Variants in DCAF8L2 observed in about 807,000 individuals in gnomAD.
The protein encoded by DCAF8L2 is DDB1 and CUL4 associated factor 8 like 2.
For missense variants in DCAF8L2, 430 were observed against 490.7 expected, an observed-to-expected ratio of 0.88 and a Z score of 1.17; for synonymous variants, 200 against 190.9, an observed-to-expected ratio of 1.05 and a Z score of -0.39.
At chrX:27,599,592 G>A (rs750545652) in intron 1 of DCAF8L2, among the ~76,000 whole-genome samples, 1 of 111,139 alleles carries the variant, frequency 9.0e-6, no homozygotes, top group Non-Finnish European at 1.9e-5. Context: ...GAGAATTTTG[G>A]GAGGTGATGG....
At chrX:27,605,405 T>C (rs778200612) in intron 1 of DCAF8L2, among the ~76,000 whole-genome samples, 1 of 111,412 alleles carries the variant, frequency 9.0e-6, no homozygotes, top group Non-Finnish European at 1.9e-5. Flanking sequence ...ACTTGAAAAT[T>C]ATTTTTCTTA....
chrX:27,547,891 T>TTCTCTCTC, the DCAF8L2 span, among the ~76,000 whole-genome samples: 4,196 of 57,067 alleles, frequency 0.074, 508 homozygotes, highest in African/African-American at 0.21. Flanking sequence ...CTCTCTCTCT[T>TTCTCTCTC]TCTCTCTCTC....
At chrX:27,705,606 G>A (rs1296997687) in intron 3 of DCAF8L2, among the ~76,000 whole-genome samples, 1 of 111,145 alleles carries the variant, frequency 9.0e-6, no homozygotes, top group Non-Finnish European at 1.9e-5. Flanking sequence ...TGAAAAGTGT[G>A]TTTATGTCCT....
intron 3 of DCAF8L2, among the ~76,000 whole-genome samples, chrX:27,690,577 A>G (rs190076363): frequency 1.8e-5 from 2 of 110,232 alleles, no homozygotes; most frequent in East Asian, 2.9e-4. Context: ...TCTTGCTGAC[A>G]TATGAATTAC....
the DCAF8L2 span, among the ~76,000 whole-genome samples, chrX:27,574,780 C>T: frequency 2.2e-3 from 250 of 111,234 alleles, 1 homozygote; most frequent in Non-Finnish European, 3.7e-3. Flanking sequence ...TTCAGTGCCC[C>T]GCTGCTCAAA....
intron 2 of DCAF8L2, among the ~76,000 whole-genome samples, chrX:27,668,777 A>C (rs1034955381): frequency 2.7e-5 from 3 of 111,031 alleles, no homozygotes; most frequent in African/African-American, 9.8e-5. Context: ...ACATGGCGAA[A>C]CCCCGTCTCT....
At chrX:27,729,492 T>C in intron 4 of DCAF8L2, among the ~76,000 whole-genome samples, 1 of 112,045 alleles carries the variant, frequency 8.9e-6, no homozygotes, top group African/African-American at 3.2e-5. Flanking sequence ...TTAGTCCATT[T>C]GGCCTGCTGT....
chrX:27,528,077 A>AATTATTAAATTAAATTTTTAATTTAATTT, the DCAF8L2 span, among the ~76,000 whole-genome samples: 1 of 62,237 alleles, frequency 1.6e-5, no homozygotes, highest in Non-Finnish European at 3.2e-5. Context: ...TAATTTAATT[A>AATTATTAAATTAAATTTTTAATTTAATTT]AATTAATTAT....
At chrX:27,678,092 T>G (rs1036975090) in intron 3 of DCAF8L2, among the ~76,000 whole-genome samples, 180 bp downstream of exon 3, 13 of 111,866 alleles carry the variant, frequency 1.2e-4, no homozygotes, top group Non-Finnish European at 2.3e-4. Flanking sequence ...ATATCAAGGG[T>G]GACTTCTTAT....
chrX:27,598,566 G>T (rs767656956), intron 1 of DCAF8L2, among the ~76,000 whole-genome samples: 1 of 112,449 alleles, frequency 8.9e-6, no homozygotes, highest in East Asian at 2.8e-4. Context: ...AAGACATATG[G>T]TGTAACAAAT....
intron 2 of DCAF8L2, chrX:27,632,517 C>T (rs942763670): frequency 8.0e-5 from 9 of 111,804 alleles, no homozygotes; most frequent in African/African-American, 2.9e-4. Flanking sequence ...GTCCCAGGCA[C>T]ATTGGCTGTT....
intron 1 of DCAF8L2, among the ~76,000 whole-genome samples, chrX:27,595,790 C>T: frequency 9.0e-6 from 1 of 111,390 alleles, no homozygotes; most frequent in East Asian, 2.8e-4. Context: ...GGTGGATCAC[C>T]TGAGGTAAGG....
chrX:27,524,758 T>C, the DCAF8L2 span, among the ~76,000 whole-genome samples: 3 of 111,740 alleles, frequency 2.7e-5, no homozygotes, highest in African/African-American at 9.7e-5. Context: ...TCAGAGAACA[T>C]CTTTATTTCT....
At chrX:27,743,698 ATTATTTATTTATTTATTTATTTAT>A (rs750649421) in intron 4 of DCAF8L2, among the ~76,000 whole-genome samples, 6 of 86,787 alleles carry the variant, frequency 6.9e-5, no homozygotes, top group Admixed American at 2.6e-4. Context: ...CCTGGCTTTT[ATTATTTATTTATTTATTTATTTAT>A]TTATTTATTT....
At chrX:27,590,478 G>C (rs758110511) in intron 1 of DCAF8L2, 38 bp downstream of exon 1, 1 of 111,300 alleles carries the variant, frequency 9.0e-6, no homozygotes, top group East Asian at 2.8e-4. Context: ...AATGATTTTG[G>C]GAGTGGGGTT....
chrX:27,698,395 T>C (rs1002747179), intron 3 of DCAF8L2, among the ~76,000 whole-genome samples: 3 of 111,644 alleles, frequency 2.7e-5, no homozygotes, highest in Non-Finnish European at 3.8e-5. Flanking sequence ...GCCTTTGGCA[T>C]ATGGGGGTTT....
the DCAF8L2 span, among the ~76,000 whole-genome samples, chrX:27,511,866 G>A: frequency 1.8e-5 from 2 of 112,055 alleles, no homozygotes; most frequent in African/African-American, 6.5e-5. Flanking sequence ...TGTGCCGGTA[G>A]TGAACTATCT....
At chrX:27,514,678 A>AC in the DCAF8L2 span, among the ~76,000 whole-genome samples, 4 of 75,669 alleles carry the variant, frequency 5.3e-5, no homozygotes, top group East Asian at 5.2e-4. Context: ...CAAAAAAAAA[A>AC]AAAAAAAAAA....
chrX:27,672,648 C>T (rs1010466233), intron 2 of DCAF8L2, among the ~76,000 whole-genome samples: 2 of 111,715 alleles, frequency 1.8e-5, no homozygotes, highest in Admixed American at 9.6e-5. Flanking sequence ...GAGAAAATGG[C>T]CTTCACCTAT....
Sources: allele counts gnomAD v4.1 joint callset (sites outside exome capture counted in the v4.1 genomes callset), GRCh38; gene constraint gnomAD v4.1.1; transcripts MANE v1.5; gene names NCBI Gene and HGNC (gene_info 2026-07-23, HGNC 2026-07-21).